KLHL1: variants seen among roughly 807,000 people sequenced by gnomAD.
KLHL1 encodes kelch like family member 1.
Under a neutral mutation model 77.7 loss-of-function variants are expected in KLHL1, and 47 were observed. The observed-to-expected ratio is 0.60, with a 90% CI of 0.48 to 0.77. The LOEUF is 0.77. KLHL1 is among the 30% of genes least tolerant of loss of function. The pLI is 0.00. For synonymous variants in KLHL1, 360 were observed against 325.2 expected, an observed-to-expected ratio of 1.11 and a Z score of -1.15; for missense variants, 925 against 910.8, an observed-to-expected ratio of 1.02 and a Z score of -0.20.
chr13:69,903,382 C>T (rs1881936794), intron 4 of KLHL1, among the ~76,000 whole-genome samples: 1 of 152,098 alleles, frequency 6.6e-6, no homozygotes, highest in Non-Finnish European at 1.5e-5. Context: ...GCATCTGCCC[C>T]AGCCAATCAG....
chr13:69,719,219 A>T (rs1055964937), intron 9 of KLHL1, 150 bp downstream of exon 9: 421 of 497,594 alleles, frequency 8.5e-4, no homozygotes, highest in African/African-American at 2.1e-3. Context: ...TGAGAGAGAG[A>T]GAGAGAGAGA....
intron 7 of KLHL1, among the ~76,000 whole-genome samples, chr13:69,780,063 C>T (rs943767761): frequency 6.6e-6 from 1 of 152,158 alleles, no homozygotes; most frequent in Non-Finnish European, 1.5e-5. Context: ...CCACCTTGGC[C>T]TTCCAAAGTG....
chr13:70,107,610 G>T lies in KLHL1; in HGVS notation c.90C>A (p.Gly30=), dbSNP rs764920556. The T allele has an allele frequency of 6.3e-7, 1 of 1,590,884 alleles. No individual in the cohort carries two copies. The highest frequency in any genetic ancestry group is 8.6e-7 in the Non-Finnish European group (1 of 1,169,242). ...GCAGGCAGCCTCCCCCCGCCGGGCC[G>T]CCGGTGGAAGGAGACGGGTGGCTGA... ...KLFSHPSPST[G]GPAGGGCLQQ... The change falls in exon 1 of 11, where the codon GGC becomes GGA. Residue 30 remains glycine, a synonymous_variant. Coordinates refer to ENST00000377844, the MANE Select transcript of KLHL1 (RefSeq NM_020866.3).
intron 4 of KLHL1, among the ~76,000 whole-genome samples, chr13:69,885,123 G>T (rs1041894662): frequency 1.4e-5 from 2 of 140,936 alleles, no homozygotes; most frequent in Non-Finnish European, 3.0e-5. Context: ...TGTATTTTTA[G>T]TAGAGACGGG....
chr13:70,086,504 C>A (rs1340936067), intron 1 of KLHL1, among the ~76,000 whole-genome samples: 1 of 133,606 alleles, frequency 7.5e-6, no homozygotes, highest in Non-Finnish European at 1.5e-5. Context: ...TCTCTTTAGG[C>A]GGAGGTTGTA....
chr13:69,976,653 G>T (rs1241370077), intron 1 of KLHL1, among the ~76,000 whole-genome samples: 1 of 151,936 alleles, frequency 6.6e-6, no homozygotes, highest in Non-Finnish European at 1.5e-5. Flanking sequence ...ATAAAGTTAA[G>T]ACTAAAATTG....
At chr13:69,716,949 T>C (rs929823876) in intron 9 of KLHL1, among the ~76,000 whole-genome samples, 1 of 152,108 alleles carries the variant, frequency 6.6e-6, no homozygotes, top group African/African-American at 2.4e-5. Context: ...ATGCTCTTAC[T>C]AGGGTGAGGC....
chr13:69,780,552 T>G (rs1876087249), intron 7 of KLHL1, among the ~76,000 whole-genome samples: 1 of 150,546 alleles, frequency 6.6e-6, no homozygotes, highest in African/African-American at 2.4e-5. Flanking sequence ...CGAGTTATAT[T>G]ACAAATATAT....
chr13:70,011,728 T>G (rs954114084), intron 1 of KLHL1, among the ~76,000 whole-genome samples: 7 of 152,198 alleles, frequency 4.6e-5, no homozygotes, highest in African/African-American at 1.7e-4. Context: ...AATAGAGTTC[T>G]TAGAAAAGTC....
rs1593823225 is a variant in KLHL1 at position 69,780,719 on chromosome 13, T to TACACATATATATATAC, written c.1639+16018_1639+16019insGTATATATATATGTGT. 1.0e-4 allele frequency among the ~76,000 whole-genome samples: 6 copies of TACACATATATATATAC among 59,626 alleles called. No individual in the cohort carries two copies. The East Asian group carries it at 2.3e-3, about 23-fold the overall frequency. 39.1% of individuals were successfully genotyped at this position (59,626 alleles called of 152,430 possible). ...ATATATATGTATATATATATATGTA[T>TACACATATATATATAC]ATATATATATATACATATATATATA... On this transcript the variant is annotated intron_variant, in intron 7 of 10. Coordinates refer to ENST00000377844, the MANE Select transcript of KLHL1 (RefSeq NM_020866.3).
intron 7 of KLHL1, among the ~76,000 whole-genome samples, chr13:69,771,297 CTCT>C (rs1170182929): frequency 6.8e-6 from 1 of 146,474 alleles, no homozygotes; most frequent in East Asian, 2.0e-4. Context: ...AAAAAACATG[CTCT>C]TCTTCTTTGG....
chr13:69,752,477 G>A (rs1006166971), intron 7 of KLHL1, among the ~76,000 whole-genome samples: 7 of 152,170 alleles, frequency 4.6e-5, no homozygotes, highest in African/African-American at 1.7e-4. Context: ...ATGATTTCAT[G>A]TGGTACGTAG....
At chr13:69,722,537 G>C (rs918108778) in intron 8 of KLHL1, among the ~76,000 whole-genome samples, 1 of 151,650 alleles carries the variant, frequency 6.6e-6, no homozygotes, top group Non-Finnish European at 1.5e-5. Context: ...GGAGCAAACA[G>C]ATATATGAAT....
intron 6 of KLHL1, 111 bp downstream of exon 6, chr13:69,838,865 A>C: frequency 1.7e-6 from 1 of 605,050 alleles, no homozygotes; most frequent in Non-Finnish European, 2.6e-6. Context: ...CTTAAATTAC[A>C]ATAATTAAAG....
At chr13:70,069,181 G>A (rs7989334) in intron 1 of KLHL1, among the ~76,000 whole-genome samples, 1,858 of 152,176 alleles carry the variant, frequency 0.012, 44 homozygotes, top group African/African-American at 0.039. Flanking sequence ...AGCCCCATAC[G>A]CTACCATCAC....
intron 1 of KLHL1, among the ~76,000 whole-genome samples, chr13:70,020,096 G>A (rs139433001): frequency 1.1e-3 from 175 of 152,180 alleles, no homozygotes; most frequent in African/African-American, 3.9e-3. Context: ...TCATAAATGT[G>A]AGAAATAAAT....
At chr13:70,063,845 CA>C (rs1204603787) in intron 1 of KLHL1, among the ~76,000 whole-genome samples, 1 of 152,020 alleles carries the variant, frequency 6.6e-6, no homozygotes, top group Non-Finnish European at 1.5e-5. Context: ...AATAATTTGG[CA>C]AATATCAAGT....
chr13:70,047,764 G>A lies in KLHL1; in HGVS notation c.497+59439C>T, dbSNP rs117563009. On this transcript the variant is annotated intron_variant, in intron 1 of 10. Coordinates refer to ENST00000377844, the MANE Select transcript of KLHL1 (RefSeq NM_020866.3). Reference sequence around the variant, plus strand: ...AAATGTAACTTTCCTCCTTCCTTGCGTGTTTGCAATTATATCTTATTTCTT... The same window carrying A: ...AAATGTAACTTTCCTCCTTCCTTGCATGTTTGCAATTATATCTTATTTCTT... 9.6e-3 allele frequency among the ~76,000 whole-genome samples: 1,463 copies of A among 152,026 alleles called. 13 individuals are homozygous for A. The highest frequency in any genetic ancestry group is 0.016 in the Non-Finnish European group (1,102 of 67,982).
intron 4 of KLHL1, among the ~76,000 whole-genome samples, chr13:69,902,331 G>A (rs1881895824): frequency 6.6e-6 from 1 of 152,078 alleles, no homozygotes; most frequent in Non-Finnish European, 1.5e-5. Flanking sequence ...GCAACGACAG[G>A]AACATTTTAA....
Sources: gnomAD v4.1 joint callset for allele counts (sites outside exome capture counted in the v4.1 genomes callset) on GRCh38, gnomAD v4.1.1 for gene constraint, MANE v1.5 for transcripts, NCBI Gene and HGNC (gene_info 2026-07-23, HGNC 2026-07-21) for gene names.